Variants in PLCB4 observed in about 807,000 individuals in gnomAD.
The protein encoded by PLCB4 is 1-phosphatidylinositol 4,5-bisphosphate phosphodiesterase beta-4.
In PLCB4, 77 loss-of-function variants were observed where a neutral mutation model predicts 178.8. The observed-to-expected ratio is 0.43, with a 90% CI of 0.36 to 0.52. PLCB4 has a LOEUF of 0.52. Among genes scored for constraint, PLCB4 ranks in the 20% least tolerant of loss-of-function variants. The pLI is 0.00. For missense variants in PLCB4, 1,024 were observed against 1,453.4 expected (o/e 0.70, Z 4.80); for synonymous variants, 496 against 490.8 (o/e 1.01, Z -0.14).
intron 3 of PLCB4, among the ~76,000 whole-genome samples, chr20:9,288,627 C>T (rs985422013): frequency 3.3e-5 from 5 of 151,724 alleles, no homozygotes; most frequent in Non-Finnish European, 5.9e-5. Context: ...AGAGTGATAC[C>T]ATAGGATTGC....
intron 2 of PLCB4, among the ~76,000 whole-genome samples, chr20:9,190,379 C>T (rs2093386476): frequency 6.6e-6 from 1 of 152,182 alleles, no homozygotes; most frequent in Non-Finnish European, 1.5e-5. Context: ...CTTGTGCCTT[C>T]CCTCACACTT....
intron 3 of PLCB4, among the ~76,000 whole-genome samples, chr20:9,293,960 GATAA>G (rs2094606680): frequency 6.6e-6 from 1 of 152,136 alleles, no homozygotes; most frequent in African/African-American, 2.4e-5. Flanking sequence ...AATCAATTCT[GATAA>G]ATACAGAGAG....
At chr20:9,129,800 C>A (rs1342236842) in intron 2 of PLCB4, among the ~76,000 whole-genome samples, 1 of 152,182 alleles carries the variant, frequency 6.6e-6, no homozygotes, top group East Asian at 1.9e-4. Context: ...TCGTTTCTAA[C>A]TCAACAACTT....
chr20:9,217,819 T>G (rs2147273830), intron 3 of PLCB4, among the ~76,000 whole-genome samples: 1 of 152,310 alleles, frequency 6.6e-6, no homozygotes, highest in East Asian at 1.9e-4. Flanking sequence ...CAGATTTTGC[T>G]TAAGAAGATT....
At chr20:9,182,841 C>T (rs2093269520) in intron 2 of PLCB4, among the ~76,000 whole-genome samples, 1 of 152,160 alleles carries the variant, frequency 6.6e-6, no homozygotes, top group South Asian at 2.1e-4. Flanking sequence ...CCACCAGCAG[C>T]AACAGTTTGG....
chr20:9,170,152 T>C (rs2147032984), intron 2 of PLCB4, among the ~76,000 whole-genome samples: 1 of 152,332 alleles, frequency 6.6e-6, no homozygotes, highest in South Asian at 2.1e-4. Flanking sequence ...ACGTTCTTTT[T>C]TGAGTCTCTC....
At chr20:9,440,091 G>A (rs1482154146) in intron 30 of PLCB4, among the ~76,000 whole-genome samples, 3 of 152,186 alleles carry the variant, frequency 2.0e-5, no homozygotes, top group Non-Finnish European at 2.9e-5. Context: ...CTTAGCCTGG[G>A]CTTGTTCACA....
intron 3 of PLCB4, among the ~76,000 whole-genome samples, chr20:9,243,512 A>G (rs929129413): frequency 6.6e-6 from 1 of 152,240 alleles, no homozygotes; most frequent in African/African-American, 2.4e-5. Context: ...GTGAAAGAGC[A>G]GTTTAGAGAG....
At chr20:9,253,186 G>A (rs563637153) in intron 3 of PLCB4, among the ~76,000 whole-genome samples, 1 of 152,284 alleles carries the variant, frequency 6.6e-6, no homozygotes, top group South Asian at 2.1e-4. Flanking sequence ...TCTCGGGTGA[G>A]TAACCAACTG....
intron 4 of PLCB4, among the ~76,000 whole-genome samples, chr20:9,309,280 T>C (rs978402721): frequency 3.3e-5 from 5 of 152,204 alleles, no homozygotes; most frequent in African/African-American, 1.2e-4. Flanking sequence ...ACTACATGGT[T>C]TGTTTATGCT....
intron 19 of PLCB4, among the ~76,000 whole-genome samples, chr20:9,398,551 A>G (rs1325549685): frequency 6.6e-6 from 1 of 152,194 alleles, no homozygotes; most frequent in Non-Finnish European, 1.5e-5. Flanking sequence ...ATAATCCAGT[A>G]AAACAAACTG....
At chr20:9,230,709 G>A (rs1247656559) in intron 3 of PLCB4, among the ~76,000 whole-genome samples, 1 of 152,152 alleles carries the variant, frequency 6.6e-6, no homozygotes, top group African/African-American at 2.4e-5. Context: ...GCTGGGTGGT[G>A]TAGGGTGGTC....
rs1268977154 is a variant in PLCB4, at chr20:9,344,717, TAG to T, written c.369+5683_369+5684del. Among the ~76,000 whole-genome samples, 6 of 152,322 alleles carry T rather than the reference TAG, an allele frequency of 3.9e-5. No homozygotes were observed. In the East Asian group the frequency reaches 1.2e-3, roughly 29 times the overall value. On this transcript the variant is annotated intron_variant, in intron 7 of 39. Transcript: ENST00000378473. ...ACTCTGGGATCCCGTGTGTTATTTT[TAG>T]AGCCACATTTCAGGATGTAATAGCG...
At chr20:9,221,784 G>A (rs2093801778) in intron 3 of PLCB4, among the ~76,000 whole-genome samples, 1 of 152,060 alleles carries the variant, frequency 6.6e-6, no homozygotes, top group South Asian at 2.1e-4. Flanking sequence ...GTAAAATCAT[G>A]GATAATGATT....
intron 2 of PLCB4, among the ~76,000 whole-genome samples, chr20:9,186,473 A>T (rs1484868133): frequency 3.3e-5 from 5 of 152,192 alleles, no homozygotes; most frequent in Non-Finnish European, 5.9e-5. Flanking sequence ...ATGTACTTTT[A>T]ATTCCACTTA....
chr20:9,397,639 A>G (rs1325337283), intron 19 of PLCB4, among the ~76,000 whole-genome samples: 1 of 152,210 alleles, frequency 6.6e-6, no homozygotes, highest in Non-Finnish European at 1.5e-5. Flanking sequence ...AACAGACTTT[A>G]TAAGTGATTC....
At chr20:9,346,102 G>A (rs557568195) in intron 7 of PLCB4, among the ~76,000 whole-genome samples, 8 of 152,266 alleles carry the variant, frequency 5.3e-5, no homozygotes, top group East Asian at 3.9e-4. Context: ...CTTCAGCCTC[G>A]TCTGGGGACT....
chr20:9,406,491 A>AT lies in PLCB4; in HGVS notation c.1647+1158dup, dbSNP rs113287972. 4.2e-3 allele frequency among the ~76,000 whole-genome samples: 604 copies of AT among 142,678 alleles called. 3 individuals carry two copies. The highest frequency in any genetic ancestry group is 5.6e-3 in the South Asian group (25 of 4,476). The allele number at this position is 142,678 out of a possible 152,430, so 93.6% of individuals were successfully genotyped here. ...ATCAGTTAAGACAAACAAATTGACCATTTTTTTTTTTTTTTGAGATGGAGT... is the reference window on the plus strand; with the variant it reads ...ATCAGTTAAGACAAACAAATTGACCATTTTTTTTTTTTTTTTGAGATGGAGT... On this transcript the variant is annotated intron_variant, in intron 21 of 39. Transcript: ENST00000378473.
chr20:9,201,447 A>G (rs2093544544), intron 2 of PLCB4, among the ~76,000 whole-genome samples: 6 of 152,186 alleles, frequency 3.9e-5, no homozygotes, highest in Admixed American at 3.9e-4. Flanking sequence ...TGTAATATTA[A>G]TATTGGTAGG....
Sources: allele counts gnomAD v4.1 joint callset (sites outside exome capture counted in the v4.1 genomes callset), GRCh38; gene constraint gnomAD v4.1.1; transcripts MANE v1.5; gene names NCBI Gene and HGNC (gene_info 2026-07-23, HGNC 2026-07-21).